EYS: variants seen among roughly 807,000 people sequenced by gnomAD.
EYS encodes EGF-like photoreceptor maintenance factor, also known as protein eyes shut homolog.
In EYS, 250 loss-of-function variants were observed where a neutral mutation model predicts 282.1. The ratio of observed to expected loss-of-function variants is 0.89; its 90% CI spans 0.80 to 0.98. The LOEUF is 0.98. Among genes scored for constraint, EYS ranks in the 50% least tolerant of loss-of-function variants. The pLI is 0.00. For missense variants in EYS, 4,016 were observed against 3,709.0 expected, an observed-to-expected ratio of 1.08 and a Z score of -2.15; for synonymous variants, 1,355 against 1,282.9, an observed-to-expected ratio of 1.06 and a Z score of -1.20.
At chr6:65,167,447 A>G (rs1764999842) in intron 12 of EYS, among the ~76,000 whole-genome samples, 1 of 151,308 alleles carries the variant, frequency 6.6e-6, no homozygotes, top group Non-Finnish European at 1.5e-5. Context: ...TACACTTTTA[A>G]AAAGTGAATT....
At chr6:64,177,672 G>C (rs1764676731) in intron 31 of EYS, among the ~76,000 whole-genome samples, 1 of 152,122 alleles carries the variant, frequency 6.6e-6, no homozygotes, top group Non-Finnish European at 1.5e-5. Context: ...GGTGCTGTAA[G>C]AGCCCTGTGT....
intron 31 of EYS, among the ~76,000 whole-genome samples, chr6:64,107,309 AT>A (rs1773062132): frequency 7.3e-6 from 1 of 137,052 alleles, no homozygotes; most frequent in Non-Finnish European, 1.5e-5. Flanking sequence ...ATATATATAT[AT>A]ATATAAAGGG....
At chr6:64,710,965 A>G (rs1771192689) in intron 22 of EYS, among the ~76,000 whole-genome samples, 1 of 152,208 alleles carries the variant, frequency 6.6e-6, no homozygotes. Flanking sequence ...TGAAAGTTAC[A>G]CAGGGATTCT....
At chr6:63,911,070 A>G (rs776143516) in intron 35 of EYS, among the ~76,000 whole-genome samples, 1 of 151,420 alleles carries the variant, frequency 6.6e-6, no homozygotes, top group Non-Finnish European at 1.5e-5. Flanking sequence ...ACAGATTATG[A>G]TATTGCTTAG....
intron 26 of EYS, among the ~76,000 whole-genome samples, chr6:64,503,931 T>G (rs1777131026): frequency 1.3e-5 from 2 of 152,228 alleles, no homozygotes; most frequent in African/African-American, 4.8e-5. Flanking sequence ...ACATCCCCCT[T>G]GGCTCTCTCT....
At chr6:65,461,354 T>G (rs2150409799) in intron 5 of EYS, among the ~76,000 whole-genome samples, 1 of 152,266 alleles carries the variant, frequency 6.6e-6, no homozygotes, top group African/African-American at 2.4e-5. Flanking sequence ...TTGTTAGTCA[T>G]AGATAAGACA....
In EYS at chr6:64,465,781, G is replaced by A. The variant is rs769505288; in HGVS notation, c.5645-26429C>T. Among the ~76,000 whole-genome samples the A allele has an allele frequency of 9.9e-5, 15 of 151,564 alleles. No individual in the cohort carries two copies. In the East Asian group the frequency reaches 1.4e-3, roughly 14 times the overall value. ...TTACATCAAATTAAAAATCTTCTGC[G>A]TAGCCCAGGAAATAATTACCACAGT... On this transcript the variant is annotated intron_variant, in intron 26 of 42. Transcript: ENST00000503581.
chr6:65,468,403 A>G (rs1219687082), intron 5 of EYS, among the ~76,000 whole-genome samples: 2 of 152,172 alleles, frequency 1.3e-5, no homozygotes, highest in African/African-American at 2.4e-5. Flanking sequence ...TTAGTTAAAT[A>G]ATACTATGCA....
At chr6:65,281,606 G>A (rs1036484447) in intron 12 of EYS, among the ~76,000 whole-genome samples, 5 of 152,130 alleles carry the variant, frequency 3.3e-5, no homozygotes, top group Non-Finnish European at 7.4e-5. Flanking sequence ...AATCATTCTT[G>A]CATATGTCAG....
At chr6:65,379,381 A>G (rs1765525303) in intron 8 of EYS, among the ~76,000 whole-genome samples, 1 of 152,142 alleles carries the variant, frequency 6.6e-6, no homozygotes, top group African/African-American at 2.4e-5. Flanking sequence ...GATTATCCCA[A>G]TAGATGCAGA....
intron 22 of EYS, among the ~76,000 whole-genome samples, chr6:64,732,854 G>A (rs1772020102): frequency 6.6e-6 from 1 of 152,176 alleles, no homozygotes; most frequent in Non-Finnish European, 1.5e-5. Flanking sequence ...TTGTTCAGGA[G>A]AAGCCAGAAA....
intron 35 of EYS, among the ~76,000 whole-genome samples, chr6:63,952,966 C>G (rs1765663121): frequency 6.6e-6 from 1 of 152,168 alleles, no homozygotes; most frequent in African/African-American, 2.4e-5. Context: ...GACAATTCTC[C>G]CATTTTACCT....
intron 31 of EYS, among the ~76,000 whole-genome samples, chr6:64,197,176 A>G (rs573564150): frequency 2.6e-5 from 4 of 152,302 alleles, no homozygotes; most frequent in African/African-American, 9.6e-5. Flanking sequence ...CTGAAAACCT[A>G]TAAAGACTAG....
At chr6:65,091,271 TAAAA>T (rs397887871) in intron 12 of EYS, among the ~76,000 whole-genome samples, 1 of 56,414 alleles carries the variant, frequency 1.8e-5, no homozygotes. Flanking sequence ...CCATCTCCCC[TAAAA>T]AAAAAAAAAA....
intron 29 of EYS, among the ~76,000 whole-genome samples, chr6:64,361,744 A>G (rs528048091): frequency 6.6e-6 from 1 of 151,852 alleles, no homozygotes; most frequent in African/African-American, 2.4e-5. Context: ...ACACACTTAC[A>G]TACACATATA....
At chr6:63,988,571 C>G (rs1767471783) in intron 34 of EYS, among the ~76,000 whole-genome samples, 1 of 151,646 alleles carries the variant, frequency 6.6e-6, no homozygotes, top group Admixed American at 6.6e-5. Context: ...CATTCCCAGA[C>G]TTTCAATTAT....
chr6:65,282,026 C>T (rs376508428), intron 12 of EYS, among the ~76,000 whole-genome samples: 6 of 150,264 alleles, frequency 4.0e-5, no homozygotes, highest in South Asian at 4.2e-4. Context: ...GAATCTTAAA[C>T]GATTCAAGTC....
chr6:65,112,900 T>C (rs1775253871), intron 12 of EYS, among the ~76,000 whole-genome samples: 1 of 152,154 alleles, frequency 6.6e-6, no homozygotes, highest in African/African-American at 2.4e-5. Context: ...TTTTTACTAT[T>C]TGCTTCCACT....
At chr6:63,726,071 T>C (rs1243124733) in intron 42 of EYS, among the ~76,000 whole-genome samples, 5 of 152,164 alleles carry the variant, frequency 3.3e-5, no homozygotes, top group Non-Finnish European at 7.4e-5. Context: ...CTAAAATGTT[T>C]TTGTAAGCAT....
Sources: allele counts gnomAD v4.1 joint callset (sites outside exome capture counted in the v4.1 genomes callset), GRCh38; gene constraint gnomAD v4.1.1; transcripts MANE v1.5; gene names NCBI Gene and HGNC (gene_info 2026-07-23, HGNC 2026-07-21).